The following TNRC6C variants were observed in gnomAD, a reference collection of about 807,000 sequenced individuals.
TNRC6C encodes trinucleotide repeat-containing gene 6C protein.
In TNRC6C, 20 loss-of-function variants were observed where a neutral mutation model predicts 153.7. The ratio of observed to expected loss-of-function variants is 0.13; its 90% CI spans 0.09 to 0.19. TNRC6C has a LOEUF of 0.19. Among genes scored for constraint, TNRC6C ranks in the 10% least tolerant of loss-of-function variants. The pLI is 1.00. For missense variants in TNRC6C, 1,987 were observed against 2,172.0 expected (o/e 0.91, Z 1.69); for synonymous variants, 811 against 841.4 (o/e 0.96, Z 0.63).
chr17:77,981,182 T>A (rs902186485), intron 1 of TNRC6C, among the ~76,000 whole-genome samples: 7 of 152,188 alleles, frequency 4.6e-5, no homozygotes, highest in Non-Finnish European at 1.0e-4. Flanking sequence ...GGTCCCACTG[T>A]GTTGGCCAAA....
intron 18 of TNRC6C, 143 bp from the exon 22 acceptor site, chr17:78,103,271 G>A (rs914475127): frequency 9.9e-7 from 1 of 1,007,516 alleles, no homozygotes; most frequent in Non-Finnish European, 1.4e-6. Flanking sequence ...CGTTAATGTT[G>A]TAAAACCACA....
At chr17:78,084,853 A>C (rs570186599) in intron 11 of TNRC6C, among the ~76,000 whole-genome samples, 1 of 152,166 alleles carries the variant, frequency 6.6e-6, no homozygotes, top group South Asian at 2.1e-4. Context: ...GCTGGTCTCC[A>C]ACTCCTTACC....
chr17:78,030,195 C>T (rs2072037843), intron 1 of TNRC6C, among the ~76,000 whole-genome samples: 1 of 151,960 alleles, frequency 6.6e-6, no homozygotes, highest in South Asian at 2.1e-4. Context: ...TGTCACCCAG[C>T]CTGGAGTGCA....
intron 1 of TNRC6C, among the ~76,000 whole-genome samples, chr17:77,977,891 CTT>C (rs528315933): frequency 7.9e-5 from 9 of 114,136 alleles, no homozygotes; most frequent in East Asian, 7.4e-4. Flanking sequence ...TTTAAAACCT[CTT>C]TTTTTTTTTT....
At chr17:77,972,427 A>G (rs1225934481) in intron 1 of TNRC6C, among the ~76,000 whole-genome samples, 1 of 151,688 alleles carries the variant, frequency 6.6e-6, no homozygotes, top group Non-Finnish European at 1.5e-5. Flanking sequence ...CAGGAGAATC[A>G]CTTGAACTTG....
intron 1 of TNRC6C, among the ~76,000 whole-genome samples, chr17:77,982,975 C>T (rs1315087131): frequency 6.6e-6 from 1 of 151,874 alleles, no homozygotes; most frequent in Non-Finnish European, 1.5e-5. Flanking sequence ...TATGTATGCA[C>T]CTAATAACAG....
chr17:77,981,153 A>T (rs1300319721), intron 1 of TNRC6C, among the ~76,000 whole-genome samples: 3 of 152,094 alleles, frequency 2.0e-5, no homozygotes, highest in African/African-American at 7.2e-5. Flanking sequence ...TTTTTTAAAA[A>T]AAATTTTGTA....
chr17:77,987,277 G>A (rs1187353417), intron 1 of TNRC6C, among the ~76,000 whole-genome samples: 2 of 152,148 alleles, frequency 1.3e-5, no homozygotes, highest in African/African-American at 2.4e-5. Context: ...TCAAAGAATT[G>A]TAAATTAAGG....
chr17:77,966,517 C>A (rs1486986135), intron 1 of TNRC6C, among the ~76,000 whole-genome samples: 16 of 152,206 alleles, frequency 1.1e-4, no homozygotes, highest in Admixed American at 1.0e-3. Context: ...GTACTTACTG[C>A]TCTTCCTAGA....
At position 78,104,307 on chromosome 17, in the gene TNRC6C, C is replaced by T. The variant is rs1431824188; in HGVS notation, c.4713-178C>T. Among the ~76,000 whole-genome samples, 1 of 152,214 alleles carries T rather than the reference C, an allele frequency of 6.6e-6. No individual in the cohort carries two copies. The highest frequency in any genetic ancestry group is 1.5e-5 in the Non-Finnish European group (1 of 68,038). On this transcript the variant is annotated intron_variant, in intron 19 of 19. Coordinates refer to ENST00000301624, the Ensembl canonical transcript of TNRC6C. The surrounding 1 kb of genome is among the most constrained non-coding windows in gnomAD (Gnocchi z 6.2). ...ACTCTGTGTACCAGTACGATGTTGC[C>T]ACTAGAAGTCTGAACTGAGCAAAAC...
intron 19 of TNRC6C, 119 bp downstream of exon 22, chr17:78,103,672 C>A: frequency 1.4e-6 from 2 of 1,399,890 alleles, no homozygotes; most frequent in Non-Finnish European, 1.9e-6. Context: ...AGGCTGGCCA[C>A]CCTCCCACTT....
intron 1 of TNRC6C, among the ~76,000 whole-genome samples, chr17:77,979,631 C>T (rs749155080): frequency 8.6e-5 from 13 of 151,834 alleles, no homozygotes; most frequent in Non-Finnish European, 1.5e-4. Flanking sequence ...ATTGGAATCT[C>T]GGAGAGGAGA....
At chr17:78,101,024 T>C (rs1457585236) in intron 17 of TNRC6C, among the ~76,000 whole-genome samples, 1 of 152,024 alleles carries the variant, frequency 6.6e-6, no homozygotes, top group East Asian at 1.9e-4. Flanking sequence ...AATCCACCCA[T>C]CTCAGCCTCC....
chr17:78,057,081 CAAATA>C (rs1470806717), intron 3 of TNRC6C, among the ~76,000 whole-genome samples: 1 of 152,110 alleles, frequency 6.6e-6, no homozygotes, highest in Non-Finnish European at 1.5e-5. Context: ...TTAAAAGAGA[CAAATA>C]AAAAGTTACA....
At chr17:78,102,490 C>G (rs756498054) in exon 18 of TNRC6C, 4 of 1,607,772 alleles carry the variant, frequency 2.5e-6, no homozygotes, top group Non-Finnish European at 3.4e-6. Context: ...CCTGGAGCAC[C>G]GACACCTCAG....
chr17:78,086,328 T>TAAAAAA lies in TNRC6C; in HGVS notation c.3478-148_3478-143dup, dbSNP rs58348772. 3.7e-4 allele frequency among the ~76,000 whole-genome samples: 20 copies of TAAAAAA among 53,370 alleles called. 2 individuals carry two copies. The highest frequency in any genetic ancestry group is 2.2e-3 in the East Asian group (5 of 2,254). 35.0% of individuals were successfully genotyped at this position (53,370 alleles called of 152,430 possible). A position where few individuals can be genotyped will look rare whatever the true frequency, so the allele number is the denominator to read the frequency against. ...CTGGATGACAGAGCGAGACTCCATC[T>TAAAAAA]AAAAAAAAAAAAAAAAAAAAAAAAA... On this transcript the variant is annotated intron_variant, in intron 11 of 19. Transcript: ENST00000301624.
chr17:78,085,260 A>T (rs2073260127), intron 11 of TNRC6C, among the ~76,000 whole-genome samples: 1 of 152,232 alleles, frequency 6.6e-6, no homozygotes. Flanking sequence ...AGTGTGAAAG[A>T]CATCAAGAAA....
At chr17:78,098,452 G>A (rs778647863) in exon 17 of TNRC6C, 11 of 1,613,846 alleles carry the variant, frequency 6.8e-6, no homozygotes, top group African/African-American at 1.3e-5. Flanking sequence ...CTGCACCCAC[G>A]AGGCCACCTC....
chr17:78,058,779 C>G (rs565525873), intron 3 of TNRC6C, among the ~76,000 whole-genome samples: 1 of 152,350 alleles, frequency 6.6e-6, no homozygotes, highest in East Asian at 1.9e-4. Context: ...TCCAGCTGTG[C>G]TGGTGGTGAC....
Sources: gnomAD v4.1 joint callset for allele counts (sites outside exome capture counted in the v4.1 genomes callset) on GRCh38, gnomAD v4.1.1 for gene constraint, Gnocchi (gnomAD v3.1) non-coding constraint, MANE v1.5 for transcripts, NCBI Gene and HGNC (gene_info 2026-07-23, HGNC 2026-07-21) for gene names.